The following GRIK2 variants were observed in gnomAD, a reference collection of about 807,000 sequenced individuals.
GRIK2 encodes the protein glutamate ionotropic receptor kainate type subunit 2.
GRIK2 carries 32 observed loss-of-function variants against 100.3 expected under a neutral mutation model. That is an observed-to-expected ratio of 0.32 (90% CI 0.24 to 0.43). The LOEUF is 0.43. GRIK2 is among the 20% of genes least tolerant of loss of function. The probability of loss-of-function intolerance (pLI) is 1.00; values close to 1 mark genes in which losing one functional copy is unlikely to be tolerated. For synonymous variants in GRIK2, 417 were observed against 389.4 expected (o/e 1.07, Z -0.83); for missense variants, 843 against 1,114.9 (o/e 0.76, Z 3.47).
At chr6:101,909,374 TTCTTTTTC>T (rs1197082515) in intron 12 of GRIK2, among the ~76,000 whole-genome samples, 8 of 114,370 alleles carry the variant, frequency 7.0e-5, no homozygotes, top group East Asian at 2.8e-4. Flanking sequence ...AGATAGGGTT[TTCTTTTTC>T]TTTTTTTTTT....
chr6:101,807,329 A>G (rs750564520), intron 9 of GRIK2, among the ~76,000 whole-genome samples: 9 of 151,980 alleles, frequency 5.9e-5, no homozygotes, highest in Non-Finnish European at 1.2e-4. Context: ...GGCCCCATTC[A>G]TGGCACAATT....
chr6:101,799,681 G>A lies in GRIK2; in HGVS notation c.985G>A (p.Val329Met), dbSNP rs751134156. Residue 329 changes from valine (V) to methionine (M), a missense_variant, in exon 8 of 17, where the codon GTG becomes ATG. Val to Met is a conservative substitution (Grantham distance 21). Coordinates refer to ENST00000369134, the MANE Select transcript of GRIK2 (RefSeq NM_021956.5). ...TGCTCTAATGTATGATGCTGTGCAT[G>A]TGGTGTCTGTGGCCGTTCAACAGTT... The part of the protein sequence containing the change: ...DAALMYDAVH[V>M]VSVAVQQFPQ... 7.7e-5 allele frequency: 124 copies of A among 1,612,898 alleles called. No individual in the cohort carries two copies. Among genetic ancestry groups the A allele is most frequent in the Non-Finnish European group, 9.7e-5 (114 of 1,179,110 alleles).
At chr6:101,432,291 C>T (rs780678950) in intron 2 of GRIK2, among the ~76,000 whole-genome samples, 2 of 152,138 alleles carry the variant, frequency 1.3e-5, no homozygotes, top group Non-Finnish European at 2.9e-5. Flanking sequence ...TTACTGTAAC[C>T]TTATGCTGTC....
intron 14 of GRIK2, among the ~76,000 whole-genome samples, chr6:101,944,131 C>G (rs374091466): frequency 6.6e-6 from 1 of 152,138 alleles, no homozygotes; most frequent in African/African-American, 2.4e-5. Context: ...TACCCCTTCT[C>G]TCTCTCCTGC....
In GRIK2 at chr6:101,707,586, G is replaced by GTATA. The variant is rs1482076939; in HGVS notation, c.951+21234_951+21235insATAT. Among the ~76,000 whole-genome samples, 631 of 131,988 alleles carry GTATA rather than the reference G, an allele frequency of 4.8e-3. 19 individuals are homozygous for GTATA. Among genetic ancestry groups the GTATA allele is most frequent in the African/African-American group, 0.019 (586 of 31,350 alleles). 86.6% of individuals were successfully genotyped at this position (131,988 alleles called of 152,430 possible). A position where few individuals can be genotyped will look rare whatever the true frequency, so the allele number is the denominator to read the frequency against. ...TATGTATATATGTGTATGTGTGTGTGTGTGTGTGTATATATGTGTGTATAT... is the reference window on the plus strand; with the variant it reads ...TATGTATATATGTGTATGTGTGTGTGTATATGTGTGTGTATATATGTGTGTATAT... On this transcript the variant is annotated intron_variant, in intron 7 of 16. Coordinates refer to ENST00000369134, the MANE Select transcript of GRIK2 (RefSeq NM_021956.5).
At chr6:101,755,518 C>A (rs1399860547) in intron 7 of GRIK2, among the ~76,000 whole-genome samples, 1 of 152,068 alleles carries the variant, frequency 6.6e-6, no homozygotes, top group Non-Finnish European at 1.5e-5. Context: ...AGTTCAAAAT[C>A]TTTTCTACCT....
intron 14 of GRIK2, among the ~76,000 whole-genome samples, chr6:101,970,524 G>T (rs1314183693): frequency 6.6e-6 from 1 of 151,882 alleles, no homozygotes; most frequent in Non-Finnish European, 1.5e-5. Context: ...TTAAATGGTG[G>T]ATTATGCAGA....
intron 14 of GRIK2, among the ~76,000 whole-genome samples, chr6:101,977,497 C>G (rs1562082996): frequency 6.6e-6 from 1 of 151,934 alleles, no homozygotes; most frequent in East Asian, 1.9e-4. Context: ...CTGCAAAAGC[C>G]TCAGCCAGAC....
intron 2 of GRIK2, among the ~76,000 whole-genome samples, chr6:101,534,449 G>A (rs1775592669): frequency 6.6e-6 from 1 of 151,724 alleles, no homozygotes; most frequent in South Asian, 2.1e-4. Flanking sequence ...TCTGATTATT[G>A]TGATAAGTGG....
intron 4 of GRIK2, among the ~76,000 whole-genome samples, chr6:101,665,664 G>A (rs1194861106): frequency 6.6e-6 from 1 of 152,168 alleles, no homozygotes; most frequent in Non-Finnish European, 1.5e-5. Flanking sequence ...AGCAATACTA[G>A]TTAGGAGGCT....
intron 2 of GRIK2, among the ~76,000 whole-genome samples, chr6:101,462,377 A>G (rs929965230): frequency 2.0e-5 from 3 of 152,194 alleles, no homozygotes; most frequent in African/African-American, 7.2e-5. Flanking sequence ...TCTCAGGAGA[A>G]GGTTGAATTC....
At chr6:101,948,444 A>AAT (rs10581343) in intron 14 of GRIK2, among the ~76,000 whole-genome samples, 134 of 146,882 alleles carry the variant, frequency 9.1e-4, no homozygotes, top group East Asian at 1.6e-3. Flanking sequence ...TTCCTTAACT[A>AAT]ATATATATAT....
At chr6:102,053,866 G>A (rs928153507) in intron 15 of GRIK2, among the ~76,000 whole-genome samples, 1 of 152,082 alleles carries the variant, frequency 6.6e-6, no homozygotes, top group East Asian at 1.9e-4. Context: ...CCCAGTGAGT[G>A]ATCAAGACAG....
Position 101,909,371 on chromosome 6 carries a change from G to GTTTTTTTTTTTTT in GRIK2, c.1749-15226_1749-15225insTTTTTTTTTTTTT, listed in dbSNP as rs370241149. ...TTTTTGGATGCTGAAGGAAGATAGG[G>GTTTTTTTTTTTTT]TTTTCTTTTTCTTTTTTTTTTTTTT... On this transcript the variant is annotated intron_variant, in intron 12 of 16. Transcript: ENST00000369134. Among the ~76,000 whole-genome samples, 101 of 83,518 alleles carry GTTTTTTTTTTTTT rather than the reference G, an allele frequency of 1.2e-3. 15 individuals are homozygous for GTTTTTTTTTTTTT. The highest frequency in any genetic ancestry group is 1.5e-3 in the Non-Finnish European group (66 of 43,004). The allele number at this position is 83,518 out of a possible 152,430, so 54.8% of individuals were successfully genotyped here.
chr6:101,953,106 T>C (rs7757992), intron 14 of GRIK2, among the ~76,000 whole-genome samples: 6,292 of 152,218 alleles, frequency 0.041, 457 homozygotes, highest in African/African-American at 0.14. Flanking sequence ...AAAATTTTAT[T>C]CTTCTTTTTG....
Position 101,836,671 on chromosome 6 carries a change from T to A in GRIK2, c.1317+18188T>A, listed in dbSNP as rs1259653171. Among the ~76,000 whole-genome samples, 711 of 119,442 alleles carry A rather than the reference T, an allele frequency of 6.0e-3. 12 individuals carry two copies. Among genetic ancestry groups the A allele is most frequent in the Non-Finnish European group, 1.0e-2 (549 of 55,152 alleles). The allele number at this position is 119,442 out of a possible 152,430, so 78.4% of individuals were successfully genotyped here. A position where few individuals can be genotyped will look rare whatever the true frequency, so the allele number is the denominator to read the frequency against. On this transcript the variant is annotated intron_variant, in intron 10 of 16. Transcript: ENST00000369134. ...TATATATATATATATATTTTTTTTTTTTTTTTTTTTTTGAGACAGAGTCTC... is the reference window on the plus strand; with the variant it reads ...TATATATATATATATATTTTTTTTTATTTTTTTTTTTTGAGACAGAGTCTC...
intron 4 of GRIK2, among the ~76,000 whole-genome samples, chr6:101,638,027 T>A (rs1328686935): frequency 6.6e-6 from 1 of 151,978 alleles, no homozygotes; most frequent in Non-Finnish European, 1.5e-5. Flanking sequence ...CAAGAGTTAC[T>A]TTAGTAGATA....
At chr6:101,551,275 A>T (rs1346062885) in intron 2 of GRIK2, among the ~76,000 whole-genome samples, 1 of 152,158 alleles carries the variant, frequency 6.6e-6, no homozygotes, top group Admixed American at 6.6e-5. Flanking sequence ...AGCACTTGCA[A>T]ACAGAAATTT....
At chr6:101,514,139 G>A (rs1774461547) in intron 2 of GRIK2, among the ~76,000 whole-genome samples, 3 of 152,084 alleles carry the variant, frequency 2.0e-5, no homozygotes, top group Admixed American at 2.0e-4. Flanking sequence ...GTTCAATTGG[G>A]GAAGGATAAT....
Sources: allele counts gnomAD v4.1 joint callset (sites outside exome capture counted in the v4.1 genomes callset), GRCh38; gene constraint gnomAD v4.1.1; transcripts MANE v1.5; gene names NCBI Gene and HGNC (gene_info 2026-07-23, HGNC 2026-07-21).